KIF4A: variants seen among roughly 807,000 people sequenced by gnomAD.
KIF4A encodes kinesin family member 4A, also known as chromosome-associated kinesin KIF4A.
A neutral mutation model predicts 105.9 loss-of-function variants in KIF4A; 7 were observed. The ratio of observed to expected loss-of-function variants is 0.07; its 90% CI spans 0.04 to 0.12. The LOEUF (loss-of-function observed/expected upper bound fraction) is 0.12. KIF4A is among the 10% of genes least tolerant of loss of function. KIF4A has a pLI of 1.00. For missense variants in KIF4A, 558 were observed against 929.2 expected (o/e 0.60, Z 5.19); for synonymous variants, 281 against 331.3 (o/e 0.85, Z 1.65).
rs192417284 is a variant in KIF4A, at chrX:70,409,826, T to C, written c.3255+2751T>C. Among the ~76,000 whole-genome samples the C allele has an allele frequency of 1.9e-3, 172 of 91,585 alleles. No individual in the cohort carries two copies. The Middle Eastern group carries it at 0.02, about 10-fold the overall frequency. The allele number at this position is 91,585 out of a possible 115,157, so 79.5% of individuals were successfully genotyped here. ...AAAAAAAAAAAGAAAAGAAAAAAAATGGTAGAGGGCCTAAAGCCCTGGAAA... is the reference window on the plus strand; with the variant it reads ...AAAAAAAAAAAGAAAAGAAAAAAAACGGTAGAGGGCCTAAAGCCCTGGAAA... On this transcript the variant is annotated intron_variant, in intron 28 of 30. Transcript: ENST00000374403.
At chrX:70,349,656 G>A (rs192221049) in intron 13 of KIF4A, among the ~76,000 whole-genome samples, 1,960 of 94,205 alleles carry the variant, frequency 0.021, 29 homozygotes, top group Non-Finnish European at 0.035. Context: ...AGACGGGGTG[G>A]CGGCTGGGCA....
intron 3 of KIF4A, among the ~76,000 whole-genome samples, chrX:70,295,444 G>A (rs910815749): frequency 9.1e-6 from 1 of 109,493 alleles, no homozygotes; most frequent in Non-Finnish European, 1.9e-5. Flanking sequence ...CAAAGTGCTC[G>A]ATTGCAGGCG....
In KIF4A at chrX:70,374,208, T is replaced by C. The variant is rs372551720; in HGVS notation, c.1732T>C (p.Leu578=). 1.9e-5 allele frequency: 23 copies of C among 1,201,895 alleles called. No homozygotes were observed. The African/African-American group carries it at 3.9e-4, about 20-fold the overall frequency. Residue 578 remains leucine, a synonymous_variant, in exon 16 of 31, where the codon TTG becomes CTG. Transcript: ENST00000374403. The part of the protein sequence containing the change: ...VINLQKEKEE[L]VLELQTAKKD... ...CAATCTGCAAAAGGAAAAGGAAGAA[T>C]TGGTTCTTGAACTTCAGACAGCAAA...
chrX:70,406,332 C>T lies in KIF4A; in HGVS notation c.3050C>T (p.Ser1017Phe). 5.8e-6 allele frequency: 7 copies of T among 1,202,703 alleles called. No individual in the cohort carries two copies. The highest frequency in any genetic ancestry group is 7.9e-6 in the Non-Finnish European group (7 of 887,174). The change falls in exon 27 of 31, where the codon TCT (serine) becomes TTT (phenylalanine). Residue 1017 changes from serine (S) to phenylalanine (F), a missense_variant. Coordinates refer to ENST00000374403, the MANE Select transcript of KIF4A (RefSeq NM_012310.5). The part of the protein sequence containing the change: ...PKDTLLSPDS[S>F]FEYVPPKPKP... ...GATACCCTTCTATCTCCAGACTCTT[C>T]TTTTGAATATGTCCCACCTAAGGTA... is the stretch of plus-strand genomic sequence containing the variant.
intron 18 of KIF4A, among the ~76,000 whole-genome samples, chrX:70,383,825 C>T (rs1294068021): frequency 8.9e-6 from 1 of 112,105 alleles, no homozygotes. Flanking sequence ...TATGAAATAT[C>T]CAGAGTAGGA....
chrX:70,303,185 A>G (rs1214486917), intron 7 of KIF4A, among the ~76,000 whole-genome samples: 1 of 112,126 alleles, frequency 8.9e-6, no homozygotes, highest in Non-Finnish European at 1.9e-5. Flanking sequence ...CTCTAGACTT[A>G]TATCAAACCC....
Position 70,316,530 on chromosome X carries a change from A to G in KIF4A, c.779-12875A>G, listed in dbSNP as rs113072153. ...TACATATTACACATAAATATATATT[A>G]CATATACATATTATGCATATATGTA... On this transcript the variant is annotated intron_variant, in intron 7 of 30. Coordinates refer to ENST00000374403, the MANE Select transcript of KIF4A (RefSeq NM_012310.5). 7.3e-3 allele frequency among the ~76,000 whole-genome samples: 793 copies of G among 108,765 alleles called. 13 individuals are homozygous for G. The highest frequency in any genetic ancestry group is 0.027 in the African/African-American group (759 of 28,611). The allele number at this position is 108,765 out of a possible 115,157, so 94.4% of individuals were successfully genotyped here.
chrX:70,290,639 G>A, intron 2 of KIF4A, 52 bp from the exon 3 acceptor site: 1 of 1,206,203 alleles, frequency 8.3e-7, no homozygotes, highest in Non-Finnish European at 1.1e-6. Context: ...AACGAGGGGT[G>A]TGGTCTTGCC....
rs972293290 is a variant in KIF4A at position 70,302,429 on chromosome X, A to G, written c.778+31A>G. 7 of 1,172,073 alleles carry G rather than the reference A, an allele frequency of 6.0e-6. 1 individual carries two copies. The highest frequency in any genetic ancestry group is 3.5e-5 in the African/African-American group (2 of 56,525). ...AGAGTAATTAAGGTCACAGTTGTAG[A>G]TTAAAAACTTCTAGTACTCTTGTTG... On this transcript the variant is annotated intron_variant, in intron 7 of 30. Transcript: ENST00000374403.
At chrX:70,371,559 G>A (rs1356083941) in intron 15 of KIF4A, among the ~76,000 whole-genome samples, 1 of 109,784 alleles carries the variant, frequency 9.1e-6, no homozygotes, top group Non-Finnish European at 1.9e-5. Flanking sequence ...CGGCCGGGCA[G>A]AGGCGCCCCT....
intron 7 of KIF4A, 137 bp from the exon 8 acceptor site, chrX:70,329,268 C>A: frequency 1.8e-6 from 1 of 567,278 alleles, no homozygotes; most frequent in Non-Finnish European, 2.7e-6. Flanking sequence ...AAAAAGTGAA[C>A]AAGATTAAGA....
chrX:70,337,600 A>G (rs1420753829), intron 10 of KIF4A, among the ~76,000 whole-genome samples: 1 of 111,120 alleles, frequency 9.0e-6, no homozygotes, highest in Non-Finnish European at 1.9e-5. Context: ...AGCCCAGGGA[A>G]GTTGAGGCTA....
At chrX:70,301,659 T>C (rs1359125211) in intron 5 of KIF4A, among the ~76,000 whole-genome samples, 1 of 111,806 alleles carries the variant, frequency 8.9e-6, no homozygotes, top group East Asian at 2.8e-4. Flanking sequence ...AATCTTGAGA[T>C]CTTTTCTAGC....
At chrX:70,305,528 A>T (rs2085823415) in intron 7 of KIF4A, among the ~76,000 whole-genome samples, 1 of 112,354 alleles carries the variant, frequency 8.9e-6, no homozygotes, top group Admixed American at 9.4e-5. Context: ...ATCAGTACTG[A>T]ATTCTGTTTT....
At chrX:70,368,373 GT>G (rs1397020792) in intron 15 of KIF4A, among the ~76,000 whole-genome samples, 1 of 111,991 alleles carries the variant, frequency 8.9e-6, no homozygotes, top group Non-Finnish European at 1.9e-5. Context: ...CCCCACCTTT[GT>G]GGTTTTTATC....
chrX:70,376,706 G>A (rs188788096), intron 18 of KIF4A, among the ~76,000 whole-genome samples: 14 of 112,032 alleles, frequency 1.2e-4, no homozygotes, highest in African/African-American at 4.5e-4. Context: ...TGGTCCAACT[G>A]GGGTGAAGTA....
At chrX:70,313,203 A>G (rs7061812) in intron 7 of KIF4A, among the ~76,000 whole-genome samples, 1,206 of 111,555 alleles carry the variant, frequency 0.011, 15 homozygotes, top group African/African-American at 0.031. Flanking sequence ...TGCCAACTGC[A>G]TAAAATGTCA....
At position 70,297,183 on chromosome X, in the gene KIF4A, T is replaced by G. The variant is rs1418001054; in HGVS notation, c.421T>G (p.Leu141Val). 1 of 1,194,423 alleles carries G rather than the reference T, an allele frequency of 8.4e-7. No homozygotes were observed. The highest frequency in any genetic ancestry group is 1.8e-5 in the African/African-American group (1 of 57,068). Residue 141 changes from leucine to valine, a missense_variant, in exon 4 of 31, where the codon TTA becomes GTA. By Grantham distance (32) the Leu-to-Val change is conservative. Transcript: ENST00000374403. ...DFEFTLKVSY[L>V]EIYNEEILDL... ...TGAATTTACTCTGAAAGTGTCTTAC[T>G]TAGAGGTAAGCAATTTATGTTTAAT...
At chrX:70,304,114 A>G (rs1308053230) in intron 7 of KIF4A, among the ~76,000 whole-genome samples, 1 of 73,744 alleles carries the variant, frequency 1.4e-5, no homozygotes, top group Non-Finnish European at 2.5e-5. Context: ...AACAGTCCGC[A>G]GAGTGTGATG....
Sources: allele counts gnomAD v4.1 joint callset (sites outside exome capture counted in the v4.1 genomes callset), GRCh38; gene constraint gnomAD v4.1.1; transcripts MANE v1.5; gene names NCBI Gene and HGNC (gene_info 2026-07-23, HGNC 2026-07-21).